The following SLCO6A1 variants were observed in gnomAD, a reference collection of about 807,000 sequenced individuals.
SLCO6A1 encodes the protein cancer/testis antigen 48.
Under a neutral mutation model 72.7 loss-of-function variants are expected in SLCO6A1, and 65 were observed. The ratio of observed to expected loss-of-function variants is 0.89; its 90% CI spans 0.73 to 1.10. The LOEUF (loss-of-function observed/expected upper bound fraction) is 1.10. Ranked by LOEUF, SLCO6A1 falls within the 50% of genes least tolerant of loss-of-function variation. The probability of loss-of-function intolerance (pLI) is 0.00; values close to 1 mark genes in which losing one functional copy is unlikely to be tolerated. For synonymous variants in SLCO6A1, 314 were observed against 298.2 expected, an observed-to-expected ratio of 1.05 and a Z score of -0.55; for missense variants, 874 against 872.6, an observed-to-expected ratio of 1.00 and a Z score of -0.02.
intron 1 of SLCO6A1, among the ~76,000 whole-genome samples, chr5:102,489,317 T>A (rs1241207686): frequency 3.9e-5 from 6 of 152,142 alleles, no homozygotes; most frequent in Non-Finnish European, 8.8e-5. Context: ...AGTGGAAAAC[T>A]CTAAAACAGA....
chr5:102,488,751 A>C lies in SLCO6A1; in HGVS notation c.359-8317T>G, dbSNP rs142990292. ...AGCGTTCCATATTTGCACTGGCAACAAGGTCAGTACTGTCTTCAAATTTAG... is the reference window on the plus strand; with the variant it reads ...AGCGTTCCATATTTGCACTGGCAACCAGGTCAGTACTGTCTTCAAATTTAG... On this transcript the variant is annotated intron_variant, in intron 1 of 13. Coordinates refer to ENST00000506729, the MANE Select transcript of SLCO6A1 (RefSeq NM_173488.5). Among the ~76,000 whole-genome samples the C allele has an allele frequency of 4.1e-3, 632 of 152,344 alleles. 6 individuals carry two copies. Among genetic ancestry groups the C allele is most frequent in the South Asian group, 0.028 (133 of 4,830 alleles).
At chr5:102,386,953 G>A (rs1306172077) in intron 12 of SLCO6A1, among the ~76,000 whole-genome samples, 1 of 152,176 alleles carries the variant, frequency 6.6e-6, no homozygotes, top group Non-Finnish European at 1.5e-5. Flanking sequence ...TGCAGGTCAT[G>A]TGAAATTATA....
chr5:102,437,059 C>A lies in SLCO6A1; in HGVS notation c.1276+1558G>T, dbSNP rs147215327. On this transcript the variant is annotated intron_variant, in intron 7 of 13. Coordinates refer to ENST00000506729, the MANE Select transcript of SLCO6A1 (RefSeq NM_173488.5). ...TCAGTTACTCAAGGGAGCTTCCTGGCAAGATTAGTGGTATGCTATTCATAC... is the reference window on the plus strand; with the variant it reads ...TCAGTTACTCAAGGGAGCTTCCTGGAAAGATTAGTGGTATGCTATTCATAC... Among the ~76,000 whole-genome samples the A allele has an allele frequency of 2.1e-3, 318 of 152,206 alleles. 3 individuals are homozygous for A. Among genetic ancestry groups the A allele is most frequent in the African/African-American group, 7.3e-3 (302 of 41,552 alleles).
Position 102,413,016 on chromosome 5 carries a change from A to G in SLCO6A1, c.1600T>C (p.Tyr534His). 6.5e-7 allele frequency: 1 copy of G among 1,527,926 alleles called. No homozygotes were observed. Among genetic ancestry groups the G allele is most frequent in the Non-Finnish European group, 8.7e-7 (1 of 1,145,174 alleles). The allele number at this position is 1,527,926 out of a possible 1,614,324, so 94.6% of individuals were successfully genotyped here. Reference sequence around the variant, plus strand: ...TTTTTTTGGTTTTGTGCTTTAGAATATGTACACCCTGCAAAGCAGGGAGAA... The same window carrying G: ...TTTTTTTGGTTTTGTGCTTTAGAATGTGTACACCCTGCAAAGCAGGGAGAA... ...YFSPCFAGCT[Y>H]SKAQNQKKMY... The change falls in exon 9 of 14, where the codon TAT (tyrosine) becomes CAT (histidine). Residue 534 changes from tyrosine to histidine, a missense_variant. Coordinates refer to ENST00000506729, the MANE Select transcript of SLCO6A1 (RefSeq NM_173488.5).
At chr5:102,377,871 G>A in intron 12 of SLCO6A1, among the ~76,000 whole-genome samples, 1 of 145,066 alleles carries the variant, frequency 6.9e-6, no homozygotes, top group Admixed American at 7.0e-5. Flanking sequence ...ACAGGGTTTT[G>A]CCATATTGCC....
At chr5:102,380,788 G>A (rs1201654910) in intron 12 of SLCO6A1, among the ~76,000 whole-genome samples, 1 of 151,964 alleles carries the variant, frequency 6.6e-6, no homozygotes, top group Admixed American at 6.6e-5. Context: ...ATAGCCACAT[G>A]TGGCAAATGT....
chr5:102,491,416 T>C (rs1434062137), intron 1 of SLCO6A1, among the ~76,000 whole-genome samples: 1 of 152,208 alleles, frequency 6.6e-6, no homozygotes, highest in Non-Finnish European at 1.5e-5. Flanking sequence ...GGGTGGTCGA[T>C]GGGACTGGGC....
rs186458459 is a variant in SLCO6A1, at chr5:102,379,543, C to T, written c.2018-6049G>A. Among the ~76,000 whole-genome samples the T allele has an allele frequency of 1.6e-4, 25 of 152,130 alleles. 1 individual carries two copies. The highest frequency in any genetic ancestry group is 5.5e-4 in the African/African-American group (23 of 41,504). On this transcript the variant is annotated intron_variant, in intron 12 of 13. Transcript: ENST00000506729. ...TTAACCATTGCAGGGTCCCCTTCAT[C>T]GTAAATTAGTTGAGTGTGCATATGA...
At chr5:102,496,075 T>C (rs185283064) in intron 1 of SLCO6A1, among the ~76,000 whole-genome samples, 1 of 152,324 alleles carries the variant, frequency 6.6e-6, no homozygotes, top group Admixed American at 6.5e-5. Flanking sequence ...TGGATGATAG[T>C]ATTGTACTGA....
At chr5:102,450,080 T>C (rs1359408936) in intron 6 of SLCO6A1, among the ~76,000 whole-genome samples, 1 of 152,230 alleles carries the variant, frequency 6.6e-6, no homozygotes, top group African/African-American at 2.4e-5. Flanking sequence ...TTCAGCATTA[T>C]TCTGAATATC....
intron 7 of SLCO6A1, among the ~76,000 whole-genome samples, chr5:102,434,535 A>T (rs559237983): frequency 1.1e-4 from 17 of 152,346 alleles, no homozygotes; most frequent in African/African-American, 4.1e-4. Context: ...CTGACCAAGA[A>T]GTTTGGTGTC....
At chr5:102,456,947 A>G (rs1404059679) in intron 6 of SLCO6A1, among the ~76,000 whole-genome samples, 15 of 150,440 alleles carry the variant, frequency 1.0e-4, no homozygotes, top group African/African-American at 3.4e-4. Context: ...AAATAATGCC[A>G]CATATCTACA....
At chr5:102,452,065 C>T (rs1213067707) in intron 6 of SLCO6A1, among the ~76,000 whole-genome samples, 1 of 152,176 alleles carries the variant, frequency 6.6e-6, no homozygotes, top group African/African-American at 2.4e-5. Context: ...AGTCATATAG[C>T]AATAATAGCT....
intron 10 of SLCO6A1, among the ~76,000 whole-genome samples, chr5:102,396,180 A>G (rs1339388357): frequency 6.6e-6 from 1 of 152,120 alleles, no homozygotes. Context: ...TTTAGGTCTA[A>G]CATTTAAGTG....
chr5:102,482,088 T>C (rs551094173), intron 1 of SLCO6A1, among the ~76,000 whole-genome samples: 4 of 152,288 alleles, frequency 2.6e-5, no homozygotes, highest in African/African-American at 9.6e-5. Context: ...ATGGCCAATG[T>C]AGGAAATAAG....
At chr5:102,375,620 A>C (rs1745740561) in intron 12 of SLCO6A1, among the ~76,000 whole-genome samples, 1 of 152,190 alleles carries the variant, frequency 6.6e-6, no homozygotes. Flanking sequence ...CTTTAAAATA[A>C]TAATAGTTAT....
At chr5:102,407,568 A>G (rs1239660216) in intron 9 of SLCO6A1, among the ~76,000 whole-genome samples, 1 of 152,188 alleles carries the variant, frequency 6.6e-6, no homozygotes, top group African/African-American at 2.4e-5. Context: ...ATTCTATGGC[A>G]TAGTTTACTT....
At chr5:102,487,886 T>C (rs1752511614) in intron 1 of SLCO6A1, among the ~76,000 whole-genome samples, 1 of 152,330 alleles carries the variant, frequency 6.6e-6, no homozygotes, top group Admixed American at 6.5e-5. Flanking sequence ...AGAATTGTGT[T>C]CAGCACACAA....
chr5:102,498,234 C>A (rs1231746305), intron 1 of SLCO6A1, among the ~76,000 whole-genome samples: 1 of 152,222 alleles, frequency 6.6e-6, no homozygotes, highest in African/African-American at 2.4e-5. Flanking sequence ...GCTCTGCGTG[C>A]CTTACTCTTT....
Sources: allele counts gnomAD v4.1 joint callset (sites outside exome capture counted in the v4.1 genomes callset), GRCh38; gene constraint gnomAD v4.1.1; transcripts MANE v1.5; gene names NCBI Gene and HGNC (gene_info 2026-07-23, HGNC 2026-07-21).